Variants in DLG2 observed in about 807,000 individuals in gnomAD.
The protein encoded by DLG2 is discs large MAGUK scaffold protein 2, also known as disks large homolog 2.
DLG2 carries 45 observed loss-of-function variants against 132.5 expected under a neutral mutation model. That is an observed-to-expected ratio of 0.34 (90% CI 0.27 to 0.44). The LOEUF (loss-of-function observed/expected upper bound fraction) is 0.44, where lower values mean the gene tolerates loss of function less well. DLG2 is among the 20% of genes least tolerant of loss of function. The pLI is 1.00. For missense variants in DLG2, 1,045 were observed against 1,196.9 expected (o/e 0.87, Z 1.87); for synonymous variants, 424 against 419.6 (o/e 1.01, Z -0.13).
At chr11:83,789,913 T>C in intron 17 of DLG2, 1 of 858,148 alleles carries the variant, frequency 1.2e-6, no homozygotes. Context: ...GTTTGTAAAC[T>C]GTGTTTCAAT....
intron 11 of DLG2, among the ~76,000 whole-genome samples, chr11:84,027,729 T>C (rs1344883024): frequency 6.6e-6 from 1 of 152,066 alleles, no homozygotes; most frequent in African/African-American, 2.4e-5. Flanking sequence ...ACTTTGTATA[T>C]TAATTCAGCA....
intron 16 of DLG2, among the ~76,000 whole-genome samples, chr11:83,855,852 A>T (rs1422462487): frequency 6.6e-6 from 1 of 152,082 alleles, no homozygotes; most frequent in Non-Finnish European, 1.5e-5. Context: ...AAAAATTTTC[A>T]GGGATACATA....
chr11:84,895,078 A>G (rs774597160), intron 6 of DLG2, among the ~76,000 whole-genome samples: 1 of 152,214 alleles, frequency 6.6e-6, no homozygotes, highest in African/African-American at 2.4e-5. Flanking sequence ...TTTAATTTAA[A>G]TGAAGTTAAA....
intron 3 of DLG2, among the ~76,000 whole-genome samples, chr11:85,583,057 A>AAATAT (rs1436845621): frequency 3.9e-5 from 4 of 101,634 alleles, no homozygotes; most frequent in African/African-American, 1.9e-4. Flanking sequence ...GGAAAAAAAA[A>AAATAT]ATATATATAT....
intron 6 of DLG2, among the ~76,000 whole-genome samples, chr11:84,795,772 T>C (rs905368928): frequency 7.2e-5 from 11 of 152,146 alleles, no homozygotes; most frequent in African/African-American, 2.7e-4. Flanking sequence ...CCAAACCCTC[T>C]TTGAGGCTCT....
chr11:84,755,301 G>A (rs1032388617), intron 6 of DLG2, among the ~76,000 whole-genome samples: 6 of 152,218 alleles, frequency 3.9e-5, no homozygotes, highest in African/African-American at 1.4e-4. Flanking sequence ...ATAAATTTTT[G>A]TAGAATGTTA....
intron 6 of DLG2, among the ~76,000 whole-genome samples, chr11:84,751,240 G>A (rs930886160): frequency 6.6e-6 from 1 of 152,066 alleles, no homozygotes; most frequent in East Asian, 1.9e-4. Flanking sequence ...TTAATTAAGT[G>A]ACTGGATCAG....
intron 6 of DLG2, among the ~76,000 whole-genome samples, chr11:85,032,454 TAAC>T (rs1314095447): frequency 2.0e-5 from 3 of 152,164 alleles, no homozygotes; most frequent in Non-Finnish European, 4.4e-5. Flanking sequence ...ATATGGCAAA[TAAC>T]AATGTAATTT....
intron 6 of DLG2, among the ~76,000 whole-genome samples, chr11:84,848,080 G>T (rs1273785731): frequency 6.6e-6 from 1 of 152,128 alleles, no homozygotes; most frequent in Non-Finnish European, 1.5e-5. Flanking sequence ...CCAGAGAACA[G>T]CGAAAAGAAC....
At chr11:83,932,101 A>T (rs918035345) in intron 14 of DLG2, among the ~76,000 whole-genome samples, 1 of 152,224 alleles carries the variant, frequency 6.6e-6, no homozygotes, top group African/African-American at 2.4e-5. Context: ...ATACCAAAAC[A>T]TAACAAACCA....
At chr11:84,864,668 T>C (rs2154031835) in intron 6 of DLG2, among the ~76,000 whole-genome samples, 1 of 152,240 alleles carries the variant, frequency 6.6e-6, no homozygotes, top group East Asian at 1.9e-4. Context: ...TATTCAGGGC[T>C]AGATTCTGGG....
intron 18 of DLG2, among the ~76,000 whole-genome samples, chr11:83,697,625 T>A (rs889160984): frequency 6.6e-6 from 1 of 152,104 alleles, no homozygotes; most frequent in African/African-American, 2.4e-5. Flanking sequence ...AAGACCAAAC[T>A]TGGGAATGGT....
intron 3 of DLG2, among the ~76,000 whole-genome samples, chr11:85,532,900 A>G (rs2075308415): frequency 1.3e-5 from 2 of 152,218 alleles, no homozygotes; most frequent in Non-Finnish European, 2.9e-5. Flanking sequence ...AAATTCCACG[A>G]AACAAAAAAC....
intron 7 of DLG2, among the ~76,000 whole-genome samples, chr11:84,251,782 A>C (rs1480451077): frequency 6.6e-6 from 1 of 151,786 alleles, no homozygotes; most frequent in Non-Finnish European, 1.5e-5. Context: ...CTACGACTAC[A>C]GGCACACACC....
intron 10 of DLG2, among the ~76,000 whole-genome samples, chr11:84,071,686 T>C (rs1258809162): frequency 1.3e-5 from 2 of 152,212 alleles, no homozygotes; most frequent in Non-Finnish European, 2.9e-5. Flanking sequence ...AATGGTGTTA[T>C]TGAAATATAA....
At chr11:83,855,441 A>C (rs1289338146) in intron 16 of DLG2, among the ~76,000 whole-genome samples, 1 of 152,252 alleles carries the variant, frequency 6.6e-6, no homozygotes, top group African/African-American at 2.4e-5. Flanking sequence ...TCAGTAGGTG[A>C]ATGGATAAAT....
At chr11:83,913,758 G>A (rs1485043577) in intron 15 of DLG2, among the ~76,000 whole-genome samples, 1 of 152,148 alleles carries the variant, frequency 6.6e-6, no homozygotes, top group Non-Finnish European at 1.5e-5. Context: ...CATAAGCAAG[G>A]ACCTCAAAGA....
intron 19 of DLG2, among the ~76,000 whole-genome samples, chr11:83,605,375 C>T (rs755334499): frequency 6.6e-6 from 1 of 151,950 alleles, no homozygotes; most frequent in Non-Finnish European, 1.5e-5. Context: ...TATTTAATAA[C>T]GTGGAGAAAA....
intron 6 of DLG2, among the ~76,000 whole-genome samples, chr11:84,688,580 TAAGAA>T (rs2153721505): frequency 6.6e-6 from 1 of 152,304 alleles, no homozygotes; most frequent in East Asian, 1.9e-4. Context: ...TTCTTGCCCT[TAAGAA>T]GAGAAGCACT....
Sources: allele counts gnomAD v4.1 joint callset (sites outside exome capture counted in the v4.1 genomes callset), GRCh38; gene constraint gnomAD v4.1.1; transcripts MANE v1.5; gene names NCBI Gene and HGNC (gene_info 2026-07-23, HGNC 2026-07-21).